CDK14: variants seen among roughly 807,000 people sequenced by gnomAD.
CDK14 encodes cyclin dependent kinase 14, also known as cyclin-dependent kinase 14.
In CDK14, 34 loss-of-function variants were observed where a neutral mutation model predicts 60.7. The observed-to-expected ratio is 0.56, with a 90% confidence interval of 0.43 to 0.75. The LOEUF (loss-of-function observed/expected upper bound fraction) is 0.75, where lower values mean the gene tolerates loss of function less well. Ranked by LOEUF, CDK14 falls within the 30% of genes least tolerant of loss-of-function variation. The probability of loss-of-function intolerance (pLI) is 0.00; values close to 1 mark genes in which losing one functional copy is unlikely to be tolerated. For synonymous variants in CDK14, 197 were observed against 203.7 expected (o/e 0.97, Z 0.28); for missense variants, 482 against 564.1 (o/e 0.85, Z 1.47).
At chr7:91,039,256 A>G (rs1584256586) in intron 10 of CDK14, among the ~76,000 whole-genome samples, 3 of 152,078 alleles carry the variant, frequency 2.0e-5, no homozygotes, top group Admixed American at 6.6e-5. Flanking sequence ...TCTGTTTCAC[A>G]TGCTTGTCTC....
chr7:90,707,696 A>T (rs974032367), intron 2 of CDK14, among the ~76,000 whole-genome samples: 1 of 152,054 alleles, frequency 6.6e-6, no homozygotes, highest in Non-Finnish European at 1.5e-5. Context: ...TTATTTCCTC[A>T]TACAGCTTCC....
chr7:90,964,412 T>A (rs921868094), intron 9 of CDK14, among the ~76,000 whole-genome samples: 7 of 152,208 alleles, frequency 4.6e-5, no homozygotes, highest in African/African-American at 1.7e-4. Context: ...CTTAGCTGGG[T>A]GACTTTAGTT....
intron 6 of CDK14, among the ~76,000 whole-genome samples, chr7:90,870,742 T>C (rs1791345341): frequency 6.6e-6 from 1 of 152,130 alleles, no homozygotes; most frequent in Non-Finnish European, 1.5e-5. Flanking sequence ...AGAATGGAGA[T>C]GGGCAAAAGT....
rs1657930918 is a variant in CDK14, at chr7:91,202,316, A to T, written c.*29-4849A>T. Among the ~76,000 whole-genome samples, 3 of 152,366 alleles carry T rather than the reference A, an allele frequency of 2.0e-5. No individual in the cohort carries two copies. The East Asian group carries it at 5.8e-4, about 29-fold the overall frequency. ...TCAAATCCAATTTCTTGTTTAAAACATTCATTTCTAGAGAGAAAGAACATT... is the reference window on the plus strand; with the variant it reads ...TCAAATCCAATTTCTTGTTTAAAACTTTCATTTCTAGAGAGAAAGAACATT... On this transcript the variant is annotated intron_variant, in intron 14 of 14. Transcript: ENST00000380050.
chr7:90,637,196 T>C (rs1388516521), intron 2 of CDK14, among the ~76,000 whole-genome samples: 15 of 151,440 alleles, frequency 9.9e-5, no homozygotes, highest in Admixed American at 2.0e-4. Flanking sequence ...GTGTTTGCTC[T>C]TGCTTTTCTA....
intron 4 of CDK14, among the ~76,000 whole-genome samples, chr7:90,752,855 A>G (rs1487806691): frequency 1.3e-5 from 2 of 152,322 alleles, no homozygotes; most frequent in South Asian, 4.1e-4. Context: ...GTCAGAGACT[A>G]TTAGGAACAA....
intron 5 of CDK14, among the ~76,000 whole-genome samples, chr7:90,862,919 C>A (rs574826225): frequency 6.6e-6 from 1 of 152,230 alleles, no homozygotes; most frequent in Admixed American, 6.5e-5. Flanking sequence ...GTGTTATACA[C>A]CTGTAATCCC....
intron 6 of CDK14, among the ~76,000 whole-genome samples, chr7:90,895,136 G>A (rs1792254482): frequency 6.6e-6 from 1 of 152,018 alleles, no homozygotes. Flanking sequence ...TATTAAAACA[G>A]TCTGAATTCA....
At chr7:90,766,122 G>A (rs1045507838) in intron 4 of CDK14, among the ~76,000 whole-genome samples, 48 of 151,594 alleles carry the variant, frequency 3.2e-4, no homozygotes, top group African/African-American at 1.1e-3. Flanking sequence ...GGAACTCTCT[G>A]TGTAGCACAT....
At chr7:90,815,717 C>T (rs1789322719) in intron 5 of CDK14, among the ~76,000 whole-genome samples, 1 of 152,182 alleles carries the variant, frequency 6.6e-6, no homozygotes, top group Non-Finnish European at 1.5e-5. Context: ...CACATGTATA[C>T]CATGGAATAC....
chr7:91,132,140 G>T (rs1180974475), intron 14 of CDK14, among the ~76,000 whole-genome samples: 2 of 152,078 alleles, frequency 1.3e-5, no homozygotes, highest in African/African-American at 2.4e-5. Context: ...GGATGATGAC[G>T]GGTACAGCAG....
chr7:91,153,830 T>C (rs1251143265), intron 14 of CDK14, among the ~76,000 whole-genome samples: 1 of 152,148 alleles, frequency 6.6e-6, no homozygotes, highest in Non-Finnish European at 1.5e-5. Context: ...CAAACTCCCA[T>C]GACACGAGCT....
At chr7:91,150,065 A>G (rs1251444927) in intron 14 of CDK14, among the ~76,000 whole-genome samples, 3 of 152,134 alleles carry the variant, frequency 2.0e-5, no homozygotes, top group African/African-American at 7.2e-5. Context: ...TGTGAGGGGA[A>G]TTGTCTCTTC....
rs541834219 is a variant in CDK14 at position 91,008,442 on chromosome 7, ATTG to A, written c.1041+24204_1041+24206del. On this transcript the variant is annotated intron_variant, in intron 10 of 14. Transcript: ENST00000380050. ...TTAAATTCAGACTGCATTTGAAGTC[ATTG>A]TTTGAGGTTTCATGTGTTTTTGTTG... is the stretch of plus-strand genomic sequence containing the variant. Among the ~76,000 whole-genome samples, 50 of 152,280 alleles carry A rather than the reference ATTG, an allele frequency of 3.3e-4. No homozygotes were observed. In the East Asian group the frequency reaches 9.2e-3, roughly 28 times the overall value.
At chr7:90,617,192 A>G (rs181782822) in intron 2 of CDK14, among the ~76,000 whole-genome samples, 6 of 152,232 alleles carry the variant, frequency 3.9e-5, no homozygotes, top group Admixed American at 2.0e-4. Flanking sequence ...AACATCTGAA[A>G]AAAAGGAAAT....
At position 90,993,055 on chromosome 7, in the gene CDK14, A is replaced by G. The variant is rs369067721; in HGVS notation, c.1041+8814A>G. Among the ~76,000 whole-genome samples, 4 of 152,228 alleles carry G rather than the reference A, an allele frequency of 2.6e-5. No homozygotes were observed. The East Asian group carries it at 7.7e-4, about 29-fold the overall frequency. On this transcript the variant is annotated intron_variant, in intron 10 of 14. Transcript: ENST00000380050. Reference sequence around the variant, plus strand: ...GATAGTTCAGAAGGGAGAAGGGAGGAAGAATGTCCAGAGGATGAAGAGACC... The same window carrying G: ...GATAGTTCAGAAGGGAGAAGGGAGGGAGAATGTCCAGAGGATGAAGAGACC...
intron 14 of CDK14, among the ~76,000 whole-genome samples, chr7:91,124,710 C>A (rs562731813): frequency 1.2e-3 from 186 of 152,078 alleles, no homozygotes; most frequent in Non-Finnish European, 1.9e-3. Context: ...TTCTTAAAAC[C>A]CAAATTAATT....
chr7:90,838,011 A>G (rs1029748184), intron 5 of CDK14, among the ~76,000 whole-genome samples: 7 of 152,100 alleles, frequency 4.6e-5, no homozygotes, highest in African/African-American at 1.2e-4. Context: ...TACAAAACAC[A>G]CACTCACCAA....
chr7:91,108,136 T>C (rs779402851), intron 12 of CDK14, among the ~76,000 whole-genome samples: 12 of 152,104 alleles, frequency 7.9e-5, no homozygotes, highest in South Asian at 2.1e-4. Flanking sequence ...GGTGAAACCC[T>C]GTCTCTACTA....
Sources: gnomAD v4.1 joint callset for allele counts (sites outside exome capture counted in the v4.1 genomes callset) on GRCh38, gnomAD v4.1.1 for gene constraint, MANE v1.5 for transcripts, NCBI Gene and HGNC (gene_info 2026-07-23, HGNC 2026-07-21) for gene names.